CYTH3: variants seen among roughly 807,000 people sequenced by gnomAD.
The protein encoded by CYTH3 is cytohesin-3.
A neutral mutation model predicts 55.1 loss-of-function variants in CYTH3; 23 were observed. The ratio of observed to expected loss-of-function variants is 0.42; its 90% CI spans 0.30 to 0.59. The LOEUF (loss-of-function observed/expected upper bound fraction) is 0.59. Ranked by LOEUF, CYTH3 falls within the 20% of genes least tolerant of loss-of-function variation. The pLI, the probability that CYTH3 is intolerant of heterozygous loss-of-function variation, is 0.20. For synonymous variants in CYTH3, 249 were observed against 194.9 expected (o/e 1.28, Z -2.31); for missense variants, 413 against 524.8 (o/e 0.79, Z 2.08).
At chr7:6,261,161 C>T (rs1344794808) in intron 1 of CYTH3, among the ~76,000 whole-genome samples, 1 of 152,122 alleles carries the variant, frequency 6.6e-6, no homozygotes, top group African/African-American at 2.4e-5. Flanking sequence ...ATCACCGGGG[C>T]CCCTTTTCTC....
chr7:6,242,421 G>C (rs1779698405), intron 1 of CYTH3, among the ~76,000 whole-genome samples: 1 of 143,852 alleles, frequency 7.0e-6, no homozygotes, highest in Admixed American at 7.2e-5. Flanking sequence ...CTGTTGCCCA[G>C]GCTGGAGTGC....
intron 1 of CYTH3, among the ~76,000 whole-genome samples, chr7:6,267,903 C>T (rs1023174045): frequency 6.6e-6 from 1 of 152,152 alleles, no homozygotes; most frequent in African/African-American, 2.4e-5. Flanking sequence ...TTCTATGAAA[C>T]TGCTTTCCAA....
chr7:6,241,873 G>A (rs181545564), intron 1 of CYTH3, among the ~76,000 whole-genome samples: 18 of 152,290 alleles, frequency 1.2e-4, no homozygotes, highest in Admixed American at 9.8e-4. Context: ...CATGAAAAAG[G>A]TGAGGTGTAA....
intron 4 of CYTH3, among the ~76,000 whole-genome samples, chr7:6,183,013 G>A (rs1783547473): frequency 6.6e-6 from 1 of 152,236 alleles, no homozygotes; most frequent in African/African-American, 2.4e-5. Context: ...TCTGGAAGAG[G>A]AGCAGGTCAG....
intron 1 of CYTH3, among the ~76,000 whole-genome samples, chr7:6,224,068 T>C (rs1447750525): frequency 2.0e-5 from 3 of 151,970 alleles, no homozygotes; most frequent in Non-Finnish European, 2.9e-5. Flanking sequence ...AAACACGTCT[T>C]CACACAGAAA....
intron 1 of CYTH3, among the ~76,000 whole-genome samples, chr7:6,263,599 C>T (rs1056773178): frequency 2.0e-5 from 3 of 152,056 alleles, no homozygotes; most frequent in Non-Finnish European, 4.4e-5. Context: ...AGTTCAAGAC[C>T]AGCCTGGCCA....
At chr7:6,186,885 C>T (rs1195182819) in intron 4 of CYTH3, among the ~76,000 whole-genome samples, 165 bp downstream of exon 4, 1 of 152,230 alleles carries the variant, frequency 6.6e-6, no homozygotes, top group African/African-American at 2.4e-5. Flanking sequence ...TTCTGCTTCA[C>T]CCCACTCGCG....
chr7:6,251,721 C>T (rs760240807), intron 1 of CYTH3, among the ~76,000 whole-genome samples: 9 of 151,986 alleles, frequency 5.9e-5, no homozygotes, highest in East Asian at 5.8e-4. Flanking sequence ...ACCACGGAAA[C>T]GTAAAAAAGA....
intron 4 of CYTH3, among the ~76,000 whole-genome samples, chr7:6,185,493 G>C (rs529958428): frequency 1.3e-5 from 2 of 151,870 alleles, no homozygotes; most frequent in Admixed American, 1.3e-4. Context: ...TCAGGAGATC[G>C]AGACCATCCT....
intron 4 of CYTH3, among the ~76,000 whole-genome samples, chr7:6,186,243 C>CAAA (rs35117209): frequency 1.4e-4 from 11 of 77,216 alleles, no homozygotes; most frequent in Non-Finnish European, 2.3e-4. Context: ...GACTCTATCT[C>CAAA]AAAAAAAAAA....
At chr7:6,221,586 T>C (rs538728803) in intron 1 of CYTH3, among the ~76,000 whole-genome samples, 1 of 152,240 alleles carries the variant, frequency 6.6e-6, no homozygotes, top group South Asian at 2.1e-4. Context: ...TTTGATACTG[T>C]ATTGCAGTTA....
intron 1 of CYTH3, among the ~76,000 whole-genome samples, chr7:6,255,758 GT>G (rs397889923): frequency 0.052 from 4,607 of 89,394 alleles, 35 homozygotes; most frequent in African/African-American, 0.1. Context: ...CCTTTAATCT[GT>G]TTTTTTTTTT....
Position 6,170,671 on chromosome 7 carries a change from A to C in CYTH3, c.712-25T>G, listed in dbSNP as rs1265939017. 3 of 1,607,098 alleles carry C rather than the reference A, an allele frequency of 1.9e-6. No individual in the cohort carries two copies. The African/African-American group carries it at 4.0e-5, about 21-fold the overall frequency. ...TCTGCAAGGAGGGAAAACAGCAGCCAGTTCAGAGACTCGGAGGAAAATGGC... is the reference window on the plus strand; with the variant it reads ...TCTGCAAGGAGGGAAAACAGCAGCCCGTTCAGAGACTCGGAGGAAAATGGC... On this transcript the variant is annotated intron_variant, in intron 8 of 12. Transcript: ENST00000350796. The surrounding 1 kb of genome is among the most constrained non-coding windows in gnomAD (Gnocchi z 7.8).
At chr7:6,194,709 G>A (rs1171252118) in intron 1 of CYTH3, among the ~76,000 whole-genome samples, 1 of 152,188 alleles carries the variant, frequency 6.6e-6, no homozygotes, top group African/African-American at 2.4e-5. Flanking sequence ...CGGGCACGTG[G>A]CTCACGCCTG....
At chr7:6,249,025 T>C (rs1429996689) in intron 1 of CYTH3, among the ~76,000 whole-genome samples, 1 of 152,210 alleles carries the variant, frequency 6.6e-6, no homozygotes, top group Non-Finnish European at 1.5e-5. Flanking sequence ...AATTTTATTT[T>C]AAATTTTCTC....
At chr7:6,268,652 C>T (rs898281563) in intron 1 of CYTH3, among the ~76,000 whole-genome samples, 3 of 152,146 alleles carry the variant, frequency 2.0e-5, no homozygotes, top group Admixed American at 6.5e-5. Flanking sequence ...TTATCTCACA[C>T]GTGTACAAAT....
intron 1 of CYTH3, among the ~76,000 whole-genome samples, chr7:6,205,081 C>T (rs996326714): frequency 2.6e-5 from 4 of 152,020 alleles, no homozygotes; most frequent in Non-Finnish European, 5.9e-5. Flanking sequence ...AGGAGAATCA[C>T]CTGAGCCTGG....
rs1315997438 is a variant in CYTH3, at chr7:6,169,031, G to A, written c.823+1504C>T. ...TTTGAATCGGGTCTCTCAGGCACCC[G>A]AGCCAAAGACCATGGTACTAGGTTT... On this transcript the variant is annotated intron_variant, in intron 9 of 12. Coordinates refer to ENST00000350796, the MANE Select transcript of CYTH3 (RefSeq NM_004227.4). This position sits in a 1 kb window ranked among gnomAD's most constrained non-coding sequence, Gnocchi z 4.1. Among the ~76,000 whole-genome samples, 3 of 152,252 alleles carry A rather than the reference G, an allele frequency of 2.0e-5. No homozygotes were observed. Among genetic ancestry groups the A allele is most frequent in the Non-Finnish European group, 4.4e-5 (3 of 68,024 alleles).
chr7:6,218,467 T>G (rs1784472800), intron 1 of CYTH3, among the ~76,000 whole-genome samples: 3 of 152,178 alleles, frequency 2.0e-5, no homozygotes, highest in Non-Finnish European at 2.9e-5. Flanking sequence ...TGAAGCTGAT[T>G]TCAGACTTCT....
Sources: allele counts gnomAD v4.1 joint callset (sites outside exome capture counted in the v4.1 genomes callset), GRCh38; gene constraint gnomAD v4.1.1; non-coding constraint Gnocchi (gnomAD v3.1); transcripts MANE v1.5; gene names NCBI Gene and HGNC (gene_info 2026-07-23, HGNC 2026-07-21).